The following NT5DC3 variants were observed in gnomAD, a reference collection of about 807,000 sequenced individuals.
NT5DC3 encodes 5'-nucleotidase domain-containing protein 3.
In NT5DC3, 42 loss-of-function variants were observed where a neutral mutation model predicts 67.8. That is an observed-to-expected ratio of 0.62 (90% confidence interval 0.48 to 0.80). The LOEUF (loss-of-function observed/expected upper bound fraction) is 0.80, where lower values mean the gene tolerates loss of function less well. Among genes scored for constraint, NT5DC3 ranks in the 30% least tolerant of loss-of-function variants. The pLI, the probability that NT5DC3 is intolerant of heterozygous loss-of-function variation, is 0.00. For missense variants in NT5DC3, 570 were observed against 696.4 expected (o/e 0.82, Z 2.04); for synonymous variants, 237 against 255.6 (o/e 0.93, Z 0.69).
chr12:103,786,206 G>A (rs1885765145), intron 11 of NT5DC3, among the ~76,000 whole-genome samples: 1 of 151,974 alleles, frequency 6.6e-6, no homozygotes, highest in Non-Finnish European at 1.5e-5. Flanking sequence ...TAAGTACAAG[G>A]GACAAAAATC....
At chr12:103,758,891 C>G in the NT5DC3 span, among the ~76,000 whole-genome samples, 1 of 152,188 alleles carries the variant, frequency 6.6e-6, no homozygotes, top group Non-Finnish European at 1.5e-5. Context: ...CTCAAGACAC[C>G]GCTGGAAAGC....
Position 103,787,507 on chromosome 12 carries a change from C to G in NT5DC3, c.1122G>C (p.Leu374Phe). The change falls in exon 11 of 14, where the codon TTG (leucine) becomes TTC (phenylalanine). Residue 374 changes from leucine to phenylalanine, a missense_variant. Leu to Phe is a conservative substitution (Grantham distance 22). Around this residue, in one of 2 missense-constraint regions of NT5DC3, gnomAD observed 466 missense variants for 608.0 expected, o/e 0.77. Coordinates refer to ENST00000392876, the MANE Select transcript of NT5DC3 (RefSeq NM_001031701.3). ...TGGATCCTCTCCATCCAGTAAGCTT[C>G]AAAAATTCATATAAATTACCCTGTA... ...IYKQGNLYEFLKLTGWRGSRV... is the reference protein window; with the variant it reads ...IYKQGNLYEFFKLTGWRGSRV... The G allele has an allele frequency of 6.3e-7, 1 of 1,595,544 alleles. No individual in the cohort carries two copies. The highest frequency in any genetic ancestry group is 8.6e-7 in the Non-Finnish European group (1 of 1,167,920).
intron 13 of NT5DC3, among the ~76,000 whole-genome samples, chr12:103,778,708 A>T (rs1208122719): frequency 1.3e-5 from 2 of 152,036 alleles, no homozygotes; most frequent in African/African-American, 4.8e-5. Flanking sequence ...CAGGAGGCTG[A>T]AGTCGGAGAA....
intron 1 of NT5DC3, among the ~76,000 whole-genome samples, chr12:103,835,293 G>A (rs144785535): frequency 3.9e-5 from 6 of 152,278 alleles, no homozygotes; most frequent in African/African-American, 7.2e-5. Flanking sequence ...TTCTGGACAA[G>A]ACAAAGAAGA....
At chr12:103,794,697 C>G (rs916319242) in intron 6 of NT5DC3, among the ~76,000 whole-genome samples, 1 of 152,250 alleles carries the variant, frequency 6.6e-6, no homozygotes, top group South Asian at 2.1e-4. Context: ...TAGACCCCAA[C>G]GGCAAATTCT....
At chr12:103,746,551 T>C in the NT5DC3 span, 1 of 1,591,244 alleles carries the variant, frequency 6.3e-7, no homozygotes, top group South Asian at 1.1e-5. Flanking sequence ...GGGTTTTAAC[T>C]CTTCACACCA....
At chr12:103,796,627 T>C (rs1355387488) in intron 6 of NT5DC3, among the ~76,000 whole-genome samples, 5 of 152,258 alleles carry the variant, frequency 3.3e-5, no homozygotes, top group Non-Finnish European at 7.3e-5. Flanking sequence ...GCACCGGCCC[T>C]GGCCTTGGCC....
chr12:103,754,945 CAAA>C, the NT5DC3 span: 89 of 159,214 alleles, frequency 5.6e-4, no homozygotes, highest in South Asian at 1.8e-3. Context: ...GACTCCACCT[CAAA>C]AAAAAAAAAA....
At chr12:103,803,868 CCA>C (rs147601265) in intron 4 of NT5DC3, among the ~76,000 whole-genome samples, 37,790 of 147,996 alleles carry the variant, frequency 0.26, 5,322 homozygotes, top group East Asian at 0.62. Context: ...CACCCCCCCC[CCA>C]AAAAAATGTG....
intron 6 of NT5DC3, among the ~76,000 whole-genome samples, 184 bp from the exon 7 acceptor site, chr12:103,794,181 GT>G (rs1388549816): frequency 1.5e-5 from 1 of 67,380 alleles, no homozygotes; most frequent in African/African-American, 4.7e-5. Flanking sequence ...ACAGAGTCTT[GT>G]TATATCACCC....
At chr12:103,836,973 C>T (rs184989092) in intron 1 of NT5DC3, among the ~76,000 whole-genome samples, 3,070 of 152,330 alleles carry the variant, frequency 0.02, 98 homozygotes, top group African/African-American at 0.07. Flanking sequence ...GGGGCTCCCA[C>T]CACACATTTC....
chr12:103,808,062 T>G (rs1886877114), intron 2 of NT5DC3, among the ~76,000 whole-genome samples: 1 of 152,254 alleles, frequency 6.6e-6, no homozygotes, highest in South Asian at 2.1e-4. Flanking sequence ...GCAAAATTGC[T>G]GGCTCCTCCT....
chr12:103,841,092 G>A lies in NT5DC3; in HGVS notation c.65C>T (p.Ala22Val). The A allele has an allele frequency of 1.6e-6, 2 of 1,214,104 alleles. No homozygotes were observed. Among genetic ancestry groups the A allele is most frequent in the South Asian group, 3.0e-5 (1 of 33,686 alleles). 75.2% of individuals were successfully genotyped at this position (1,214,104 alleles called of 1,614,324 possible). The change falls in exon 1 of 14, where the codon GCT (alanine) becomes GTT (valine). Residue 22 changes from alanine to valine, a missense_variant. This residue lies in a region of NT5DC3 where 104 missense variants were observed against 88.4 expected (regional missense o/e 1.18). Transcript: ENST00000392876. ...CGCGGTCCCGCAGCCACCCCGCAAA[G>A]CCGCCGCTGTCGCTGCCCTCGCCCC... ...GAGARAATAA[A>V]LRGGCGTAAR...
chr12:103,793,046 A>G, intron 9 of NT5DC3, 118 bp downstream of exon 9: 1 of 763,374 alleles, frequency 1.3e-6, no homozygotes, highest in Non-Finnish European at 2.2e-6. Flanking sequence ...GTTAAAATTC[A>G]AAAGCTATAA....
intron 11 of NT5DC3, among the ~76,000 whole-genome samples, chr12:103,786,609 C>T (rs1885785850): frequency 6.6e-6 from 1 of 151,550 alleles, no homozygotes; most frequent in Non-Finnish European, 1.5e-5. Flanking sequence ...GGCTACTCAG[C>T]TAAAGCCAGA....
intron 1 of NT5DC3, among the ~76,000 whole-genome samples, chr12:103,832,360 T>C (rs75479531): frequency 6.6e-6 from 1 of 151,942 alleles, no homozygotes; most frequent in Non-Finnish European, 1.5e-5. Flanking sequence ...CTCCACATTT[T>C]AGGAATCAGA....
Position 103,812,005 on chromosome 12 carries a change from C to T in NT5DC3, c.393+2932G>A, listed in dbSNP as rs968588741. Reference sequence around the variant, plus strand: ...AAGAAATGCTGACTAAGGTGTGAAGCTGGGAGATGAAATCAAGAGCTCTCT... The same window carrying T: ...AAGAAATGCTGACTAAGGTGTGAAGTTGGGAGATGAAATCAAGAGCTCTCT... On this transcript the variant is annotated intron_variant, in intron 2 of 13. Coordinates refer to ENST00000392876, the MANE Select transcript of NT5DC3 (RefSeq NM_001031701.3). 5.1e-4 allele frequency among the ~76,000 whole-genome samples: 77 copies of T among 152,032 alleles called. 1 individual carries two copies. The highest frequency in any genetic ancestry group is 1.8e-3 in the African/African-American group (74 of 41,466).
downstream of NT5DC3, among the ~76,000 whole-genome samples, chr12:103,769,687 A>G (rs1394459816): frequency 6.6e-6 from 1 of 152,236 alleles, no homozygotes; most frequent in Non-Finnish European, 1.5e-5. Context: ...GACTGCCACT[A>G]ACGCCAGAGG....
At chr12:103,838,417 C>T (rs1888241200) in intron 1 of NT5DC3, among the ~76,000 whole-genome samples, 1 of 152,166 alleles carries the variant, frequency 6.6e-6, no homozygotes, top group Non-Finnish European at 1.5e-5. Flanking sequence ...ACCTGCAGCC[C>T]CATTTTACAG....
Sources: allele counts gnomAD v4.1 joint callset (sites outside exome capture counted in the v4.1 genomes callset), GRCh38; gene constraint gnomAD v4.1.1; regional missense constraint gnomAD v4.1.1; transcripts MANE v1.5; gene names NCBI Gene and HGNC (gene_info 2026-07-23, HGNC 2026-07-21).